STX16: variants seen among roughly 807,000 people sequenced by gnomAD.
STX16 encodes the protein syntaxin-16.
In STX16, 28 loss-of-function variants were observed where a neutral mutation model predicts 42.7. The observed-to-expected ratio is 0.66, with a 90% CI of 0.49 to 0.90. STX16 has a LOEUF of 0.90. Among genes scored for constraint, STX16 ranks in the 40% least tolerant of loss-of-function variants. The pLI, the probability that STX16 is intolerant of heterozygous loss-of-function variation, is 0.00. For synonymous variants in STX16, 156 were observed against 155.2 expected (o/e 1.00, Z -0.04); for missense variants, 361 against 420.9 (o/e 0.86, Z 1.24).
Position 58,653,871 on chromosome 20 carries a change from C to T in STX16, c.132+1733C>T, listed in dbSNP as rs556125455. ...AACATGAGGGTTTTTTTTTTTTTCC[C>T]GATTAAGTCAGACAGTTTAAAAACC... On this transcript the variant is annotated intron_variant, in intron 1 of 8. Transcript: ENST00000371141. Among the ~76,000 whole-genome samples, 8 of 149,628 alleles carry T rather than the reference C, an allele frequency of 5.3e-5. No individual in the cohort carries two copies. The East Asian group carries it at 7.8e-4, about 15-fold the overall frequency.
Position 58,657,403 on chromosome 20 carries a change from A to G in STX16, c.133-2220A>G, listed in dbSNP as rs1310892678. The stretch of plus-strand genomic sequence containing the variant: ...AAGTGAAGCAAACTTTTATTTTGGC[A>G]GTAACGGAAATAAAGTAAATATCAC... On this transcript the variant is annotated intron_variant, in intron 1 of 8. Transcript: ENST00000371141. The surrounding 1 kb of genome is among the most constrained non-coding windows in gnomAD (Gnocchi z 4.2). Among the ~76,000 whole-genome samples the G allele has an allele frequency of 6.6e-6, 1 of 152,256 alleles. No individual in the cohort carries two copies. The highest frequency in any genetic ancestry group is 2.4e-5 in the African/African-American group (1 of 41,474).
chr20:58,656,310 T>TC (rs1205333374), intron 1 of STX16, among the ~76,000 whole-genome samples: 1 of 152,254 alleles, frequency 6.6e-6, no homozygotes, highest in African/African-American at 2.4e-5. Flanking sequence ...CCAAGGTTAC[T>TC]GACAGAAATC....
chr20:58,653,780 GA>G (rs570095248), intron 1 of STX16, among the ~76,000 whole-genome samples: 1 of 151,266 alleles, frequency 6.6e-6, no homozygotes, highest in Non-Finnish European at 1.5e-5. Context: ...AGTTTTAATT[GA>G]AAAACATATT....
chr20:58,676,174 CCT>C lies in STX16; in HGVS notation c.874-10_874-9del. 1 of 1,610,556 alleles carries C rather than the reference CCT, an allele frequency of 6.2e-7. No individual in the cohort carries two copies. The stretch of plus-strand genomic sequence containing the variant: ...GGGAAAATGACGGCCTTTTTTCCCT[CCT>C]CTTTTTGTAGGCAGAACAGTATCAA... On this transcript the variant is annotated splice_polypyrimidine_tract_variant and intron_variant, in intron 8 of 8. Transcript: ENST00000371141.
intron 2 of STX16, among the ~76,000 whole-genome samples, chr20:58,665,993 A>C (rs913461791): frequency 6.6e-6 from 1 of 152,164 alleles, no homozygotes; most frequent in African/African-American, 2.4e-5. Flanking sequence ...ACTCTTTAGG[A>C]TTTAGGGCCT....
rs2084202720 is a variant in STX16 at position 58,678,811 on chromosome 20, G to T, written c.*2520G>T. 1.3e-5 allele frequency: 2 copies of T among 152,204 alleles called. No homozygotes were observed. 9.4% of individuals were successfully genotyped at this position (152,204 alleles called of 1,614,324 possible). On this transcript the variant is annotated 3_prime_UTR_variant, in exon 9 of 9. Coordinates refer to ENST00000371141, the MANE Select transcript of STX16 (RefSeq NM_001001433.3). ...AGATCAGTAGCATTTGAGGAAGTAAGAGAAAAGAATCATGGTACCTCAGGG... is the reference window on the plus strand; with the variant it reads ...AGATCAGTAGCATTTGAGGAAGTAATAGAAAAGAATCATGGTACCTCAGGG...
At chr20:58,667,652 G>A (rs183175650) in intron 3 of STX16, 55 bp downstream of exon 3, 129 of 1,464,794 alleles carry the variant, frequency 8.8e-5, no homozygotes, top group Non-Finnish European at 8.6e-6. Flanking sequence ...TTATGACAAT[G>A]TATTTTAAGA....
intron 1 of STX16, among the ~76,000 whole-genome samples, chr20:58,655,992 G>A (rs2083577375): frequency 6.6e-6 from 1 of 152,138 alleles, no homozygotes; most frequent in African/African-American, 2.4e-5. Context: ...TCAGTTTTGA[G>A]TGCCCCATCA....
intron 4 of STX16, 71 bp from the exon 5 acceptor site, chr20:58,669,220 T>A: frequency 6.6e-7 from 1 of 1,524,624 alleles, no homozygotes; most frequent in South Asian, 1.2e-5. Flanking sequence ...CACTCTGGCT[T>A]GTGATGTGGC....
In STX16 at chr20:58,651,745, TGGG is replaced by T. The variant is rs1367480324; in HGVS notation, c.-258_-256del. ...GGACGTTGGATCGCTACGCAAGGAT[TGGG>T]GGGATTCAAGTGCTTAGAGATCGAA... On this transcript the variant is annotated 5_prime_UTR_variant, in exon 1 of 9. Coordinates refer to ENST00000371141, the MANE Select transcript of STX16 (RefSeq NM_001001433.3). 2.5e-6 allele frequency: 1 copy of T among 402,498 alleles called. No homozygotes were observed. Among genetic ancestry groups the T allele is most frequent in the African/African-American group, 2.0e-5 (1 of 49,086 alleles). 24.9% of individuals were successfully genotyped at this position (402,498 alleles called of 1,614,324 possible). A position where few individuals can be genotyped will look rare whatever the true frequency, so the allele number is the denominator to read the frequency against.
intron 2 of STX16, among the ~76,000 whole-genome samples, chr20:58,666,917 G>A (rs1232656964): frequency 1.3e-5 from 2 of 152,252 alleles, no homozygotes; most frequent in Non-Finnish European, 2.9e-5. Flanking sequence ...TAGATAATTT[G>A]CTAGCGGTTT....
intron 2 of STX16, among the ~76,000 whole-genome samples, chr20:58,663,667 A>G (rs1250812103): frequency 6.6e-6 from 1 of 151,890 alleles, no homozygotes. Flanking sequence ...TCAGAAGCAC[A>G]AATTTATTTA....
chr20:58,676,337 T>G lies in STX16; in HGVS notation c.*46T>G. 4 of 1,530,448 alleles carry G rather than the reference T, an allele frequency of 2.6e-6. No homozygotes were observed. The highest frequency in any genetic ancestry group is 3.6e-6 in the Non-Finnish European group (4 of 1,104,152). 94.8% of individuals were successfully genotyped at this position (1,530,448 alleles called of 1,614,324 possible). On this transcript the variant is annotated 3_prime_UTR_variant, in exon 9 of 9. Coordinates refer to ENST00000371141, the MANE Select transcript of STX16 (RefSeq NM_001001433.3). ...GTGCCGCGCGTGTGGATCTCCCGGG[T>G]GTGAGGGGCTTGGCCTGCGCCCCGC... is the stretch of plus-strand genomic sequence containing the variant.
chr20:58,671,553 T>C (rs530000867), intron 7 of STX16, among the ~76,000 whole-genome samples: 6 of 152,102 alleles, frequency 3.9e-5, no homozygotes, highest in Non-Finnish European at 7.4e-5. Flanking sequence ...GTTTACATTT[T>C]TTACTGAAGT....
chr20:58,676,744 A>G lies in STX16; in HGVS notation c.*453A>G, dbSNP rs1397044462. On this transcript the variant is annotated 3_prime_UTR_variant, in exon 9 of 9. Coordinates refer to ENST00000371141, the MANE Select transcript of STX16 (RefSeq NM_001001433.3). ...AGAAATTTGGTACCAAAAATTGATG[A>G]GTAGAGGCAAAAATGCCCCTTCATC... The G allele has an allele frequency of 6.5e-6, 1 of 152,900 alleles. No homozygotes were observed. The highest frequency in any genetic ancestry group is 1.5e-5 in the Non-Finnish European group (1 of 68,222). 9.5% of individuals were successfully genotyped at this position (152,900 alleles called of 1,614,324 possible).
Position 58,668,095 on chromosome 20 carries a change from G to A in STX16, c.361G>A (p.Ala121Thr). ...GGATGACAGCAGCGAAGAGGAACAT[G>A]CCATTGAGATAACTACCCAAGAGAT... is the stretch of plus-strand genomic sequence containing the variant. The part of the protein sequence containing the change: ...TLDDSSEEEH[A>T]IEITTQEITQ... Residue 121 changes from alanine to threonine, a missense_variant, in exon 4 of 9, where the codon GCC becomes ACC. Transcript: ENST00000371141. The A allele has an allele frequency of 1.2e-6, 2 of 1,614,244 alleles. No homozygotes were observed. Among genetic ancestry groups the A allele is most frequent in the Middle Eastern group, 1.6e-4 (1 of 6,062 alleles).
intron 7 of STX16, among the ~76,000 whole-genome samples, chr20:58,672,900 C>T (rs2084014945): frequency 6.6e-6 from 1 of 152,194 alleles, no homozygotes; most frequent in Non-Finnish European, 1.5e-5. Flanking sequence ...CCTGATCCCC[C>T]TGAAACCAAC....
chr20:58,660,111 G>C (rs1407082803), intron 2 of STX16, among the ~76,000 whole-genome samples: 1 of 152,214 alleles, frequency 6.6e-6, no homozygotes, highest in Non-Finnish European at 1.5e-5. Context: ...CCCAGTGGAT[G>C]CACCTGGAGC....
chr20:58,659,567 T>G (rs550915610), intron 1 of STX16, 56 bp from the exon 2 acceptor site: 1 of 1,591,408 alleles, frequency 6.3e-7, no homozygotes, highest in East Asian at 2.3e-5. Flanking sequence ...CCCATGCTGC[T>G]TTCTTTGTGC....
Sources: allele counts gnomAD v4.1 joint callset (sites outside exome capture counted in the v4.1 genomes callset), GRCh38; gene constraint gnomAD v4.1.1; non-coding constraint Gnocchi (gnomAD v3.1); transcripts MANE v1.5; gene names NCBI Gene and HGNC (gene_info 2026-07-23, HGNC 2026-07-21).